Variants in SLC25A40 observed in about 807,000 individuals in gnomAD.
SLC25A40 encodes mitochondrial glutathione transporter SLC25A40.
SLC25A40 carries 41 observed loss-of-function variants against 46.5 expected under a neutral mutation model. The ratio of observed to expected loss-of-function variants is 0.88; its 90% CI spans 0.69 to 1.14. SLC25A40 has a LOEUF of 1.14. Ranked by LOEUF, SLC25A40 falls within the 50% of genes most tolerant of loss-of-function variation. The pLI, the probability that SLC25A40 is intolerant of heterozygous loss-of-function variation, is 0.00. For synonymous variants in SLC25A40, 126 were observed against 127.5 expected, an observed-to-expected ratio of 0.99 and a Z score of 0.08; for missense variants, 386 against 393.6, an observed-to-expected ratio of 0.98 and a Z score of 0.16.
At chr7:87,853,406 A>T (rs765344993) in intron 5 of SLC25A40, among the ~76,000 whole-genome samples, 32 of 152,368 alleles carry the variant, frequency 2.1e-4, no homozygotes, top group Non-Finnish European at 4.0e-4. Flanking sequence ...ACCAGTGTAG[A>T]AAACAGGTTA....
chr7:87,869,655 G>A lies in SLC25A40; in HGVS notation c.-94+6441C>T, dbSNP rs1197348022. Among the ~76,000 whole-genome samples the A allele has an allele frequency of 2.6e-5, 4 of 151,416 alleles. No homozygotes were observed. The East Asian group carries it at 7.7e-4, about 29-fold the overall frequency. On this transcript the variant is annotated intron_variant, in intron 1 of 11. Coordinates refer to ENST00000341119, the MANE Select transcript of SLC25A40 (RefSeq NM_018843.4). Reference sequence around the variant, plus strand: ...CTGAAATTCATTCATTTTATTACATGCATTGATACTTGGTTCCTTTCCACT... The same window carrying A: ...CTGAAATTCATTCATTTTATTACATACATTGATACTTGGTTCCTTTCCACT...
At chr7:87,861,664 T>A (rs1233672823) in intron 1 of SLC25A40, among the ~76,000 whole-genome samples, 2 of 152,120 alleles carry the variant, frequency 1.3e-5, no homozygotes, top group Non-Finnish European at 2.9e-5. Context: ...TTAAATGAGC[T>A]CCTTTAAGTG....
At chr7:87,873,100 A>G (rs780647691) in intron 1 of SLC25A40, among the ~76,000 whole-genome samples, 2 of 152,238 alleles carry the variant, frequency 1.3e-5, no homozygotes, top group Non-Finnish European at 2.9e-5. Flanking sequence ...AGAAGACGAC[A>G]TATCAATAGT....
intron 8 of SLC25A40, among the ~76,000 whole-genome samples, chr7:87,845,925 G>T (rs1838410059): frequency 6.6e-6 from 1 of 152,108 alleles, no homozygotes. Flanking sequence ...CTTTGGAAAA[G>T]AGTTCTATAT....
At chr7:87,863,178 T>C (rs989028046) in intron 1 of SLC25A40, among the ~76,000 whole-genome samples, 4 of 152,166 alleles carry the variant, frequency 2.6e-5, no homozygotes, top group Admixed American at 1.3e-4. Flanking sequence ...CTTTATTCCA[T>C]TTTTTAAAAA....
At chr7:87,836,687 G>T in intron 11 of SLC25A40, 43 bp downstream of exon 11, 2 of 1,277,294 alleles carry the variant, frequency 1.6e-6, no homozygotes, top group South Asian at 1.5e-5. Context: ...TATTTTAAAA[G>T]TAATCATTCT....
At chr7:87,856,474 T>C in intron 3 of SLC25A40, 123 bp from the exon 4 acceptor site, 1 of 852,782 alleles carries the variant, frequency 1.2e-6, no homozygotes, top group Non-Finnish European at 2.0e-6. Context: ...GGTAAGCTTA[T>C]TTATCTTAAA....
chr7:87,840,543 G>C (rs1328800823), intron 10 of SLC25A40, among the ~76,000 whole-genome samples: 1 of 151,680 alleles, frequency 6.6e-6, no homozygotes, highest in East Asian at 1.9e-4. Context: ...ACACCAAAAA[G>C]AAATTGGTGA....
chr7:87,834,184 G>T lies in SLC25A40; in HGVS notation c.*2065C>A, dbSNP rs1274744115. ...AAGTCTGGAAAGCCCATGTGGCTGA[G>T]AGTTAAATTTATATACTGAAGTAAA... On this transcript the variant is annotated 3_prime_UTR_variant, in exon 12 of 12. Transcript: ENST00000341119. 2 of 151,792 alleles carry T rather than the reference G, an allele frequency of 1.3e-5. No homozygotes were observed. Among genetic ancestry groups the T allele is most frequent in the Admixed American group, 6.6e-5 (1 of 15,182 alleles). The allele number at this position is 151,792 out of a possible 1,614,324, so 9.4% of individuals were successfully genotyped here.
chr7:87,850,087 A>C, intron 5 of SLC25A40, 139 bp from the exon 6 acceptor site: 1 of 569,352 alleles, frequency 1.8e-6, no homozygotes. Flanking sequence ...ATGTATGTCC[A>C]TTCTTTTTAA....
chr7:87,836,353 G>A lies in SLC25A40; in HGVS notation c.913C>T (p.Pro305Ser), dbSNP rs1838257910. The change falls in exon 12 of 12, where the codon CCT (proline) becomes TCT (serine). Residue 305 changes from proline to serine, a missense_variant. Physicochemically the swap from Pro to Ser is moderately conservative, Grantham distance 74. Transcript: ENST00000341119. Reference protein sequence around the residue: ...GFSGLFSGLIPRLIKIAPACA... With the variant: ...GFSGLFSGLISRLIKIAPACA... ...GCAGGAGCAATTTTAATTAAGCGAG[G>A]AATTAGGCCTGAGAAAAGAATAGGA... The A allele has an allele frequency of 6.5e-7, 1 of 1,527,590 alleles. No individual in the cohort carries two copies. Among genetic ancestry groups the A allele is most frequent in the Non-Finnish European group, 8.8e-7 (1 of 1,142,208 alleles). 94.6% of individuals were successfully genotyped at this position (1,527,590 alleles called of 1,614,324 possible). A position where few individuals can be genotyped will look rare whatever the true frequency, so the allele number is the denominator to read the frequency against.
chr7:87,846,909 C>A, intron 8 of SLC25A40, 40 bp downstream of exon 8: 1 of 1,515,448 alleles, frequency 6.6e-7, no homozygotes, highest in South Asian at 1.3e-5. Context: ...TGAGACAAAG[C>A]CATGTAAAAT....
chr7:87,843,886 G>A (rs775392313), intron 8 of SLC25A40, 23 bp from the exon 9 acceptor site: 3 of 1,521,072 alleles, frequency 2.0e-6, no homozygotes, highest in Admixed American at 1.8e-5. Flanking sequence ...AGAATGAAAT[G>A]AACACATATT....
chr7:87,856,234 A>AC, intron 4 of SLC25A40, 58 bp downstream of exon 4: 1 of 1,404,026 alleles, frequency 7.1e-7, no homozygotes. Context: ...CAAAAAAAAA[A>AC]ACCACAGGAA....
chr7:87,853,149 A>T (rs1838545634), intron 5 of SLC25A40, among the ~76,000 whole-genome samples: 1 of 152,252 alleles, frequency 6.6e-6, no homozygotes, highest in East Asian at 1.9e-4. Flanking sequence ...CAGTAAAACT[A>T]CAAACAATTT....
chr7:87,836,006 T>C lies in SLC25A40; in HGVS notation c.*243A>G, dbSNP rs753193173. On this transcript the variant is annotated 3_prime_UTR_variant, in exon 12 of 12. Transcript: ENST00000341119. Reference sequence around the variant, plus strand: ...AGAGACTGCTTTTGATGCTAAGGAGTAATCTATTTTTACAAGAATGCTCAA... The same window carrying C: ...AGAGACTGCTTTTGATGCTAAGGAGCAATCTATTTTTACAAGAATGCTCAA... The C allele has an allele frequency of 3.4e-5, 12 of 351,270 alleles. No individual in the cohort carries two copies. The highest frequency in any genetic ancestry group is 6.1e-5 in the Non-Finnish European group (12 of 197,712). 21.8% of individuals were successfully genotyped at this position (351,270 alleles called of 1,614,324 possible).
At chr7:87,875,676 T>C (rs1309198841) in intron 1 of SLC25A40, among the ~76,000 whole-genome samples, 3 of 152,224 alleles carry the variant, frequency 2.0e-5, no homozygotes, top group East Asian at 1.9e-4. Context: ...CACTCCTTCA[T>C]TGTTGAAATA....
chr7:87,855,745 C>G (rs956529256), intron 4 of SLC25A40, among the ~76,000 whole-genome samples: 2 of 152,190 alleles, frequency 1.3e-5, no homozygotes, highest in African/African-American at 2.4e-5. Context: ...ACAGTCCAAA[C>G]ACGTGTTTTC....
At chr7:87,858,262 T>C (rs746099261) in intron 3 of SLC25A40, among the ~76,000 whole-genome samples, 3 of 152,212 alleles carry the variant, frequency 2.0e-5, no homozygotes, top group Non-Finnish European at 4.4e-5. Context: ...GCTGGACCCT[T>C]ATCAGGAGTC....
Sources: gnomAD v4.1 joint callset for allele counts (sites outside exome capture counted in the v4.1 genomes callset) on GRCh38, gnomAD v4.1.1 for gene constraint, MANE v1.5 for transcripts, NCBI Gene and HGNC (gene_info 2026-07-23, HGNC 2026-07-21) for gene names.